Variants in ABCA4 observed in about 807,000 individuals in gnomAD.
ABCA4 encodes ATP binding cassette subfamily A member 4.
A neutral mutation model predicts 263.7 loss-of-function variants in ABCA4; 196 were observed. The observed-to-expected ratio is 0.74, with a 90% confidence interval of 0.66 to 0.84. The LOEUF (loss-of-function observed/expected upper bound fraction) is 0.84, where lower values mean the gene tolerates loss of function less well. Ranked by LOEUF, ABCA4 falls within the 40% of genes least tolerant of loss-of-function variation. ABCA4 has a pLI of 0.00. For synonymous variants in ABCA4, 1,133 were observed against 1,094.2 expected (o/e 1.04, Z -0.70); for missense variants, 2,792 against 2,855.1 (o/e 0.98, Z 0.50).
rs1270054065 is a variant in ABCA4 at position 94,029,628 on chromosome 1, C to T, written c.4356G>A (p.Glu1452=). The change falls in exon 30 of 50, where the codon GAG becomes GAA. Residue 1452 remains glutamate (E), a synonymous_variant. Transcript: ENST00000370225. Reference sequence around the variant, plus strand: ...AGGGTGTTGAGTTGCCACAGGGGTACTCCCTCATGGAAGACAAGAAAATAT... The same window carrying T: ...AGGGTGTTGAGTTGCCACAGGGGTATTCCCTCATGGAAGACAAGAAAATAT... The part of the protein sequence containing the change: ...NRCLKEGWLP[E]YPCGNSTPWK... 1 of 1,613,232 alleles carries T rather than the reference C, an allele frequency of 6.2e-7. No homozygotes were observed. The highest frequency in any genetic ancestry group is 8.5e-7 in the Non-Finnish European group (1 of 1,179,604).
chr1:94,082,337 A>G (rs564958689), intron 7 of ABCA4, among the ~76,000 whole-genome samples: 1 of 152,364 alleles, frequency 6.6e-6, no homozygotes, highest in East Asian at 1.9e-4. Flanking sequence ...CTTGCTATCT[A>G]GACAGTCAAG....
chr1:94,117,483 C>T (rs1484739808), intron 1 of ABCA4, among the ~76,000 whole-genome samples: 1 of 69,908 alleles, frequency 1.4e-5, no homozygotes, highest in East Asian at 4.2e-4. Context: ...GGCCCCCCCA[C>T]AGATATCCAT....
chr1:94,020,672 C>T (rs898563326), intron 35 of ABCA4, among the ~76,000 whole-genome samples: 1 of 152,188 alleles, frequency 6.6e-6, no homozygotes, highest in Admixed American at 6.5e-5. Context: ...ATCAGGACCC[C>T]ACAACGTTGC....
chr1:94,066,178 T>A (rs1009802566), intron 11 of ABCA4, among the ~76,000 whole-genome samples: 5 of 152,218 alleles, frequency 3.3e-5, no homozygotes, highest in African/African-American at 1.2e-4. Flanking sequence ...TCCCTGACCA[T>A]GGGCCTGACA....
At chr1:94,115,574 C>T (rs1662736878) in intron 1 of ABCA4, among the ~76,000 whole-genome samples, 1 of 152,200 alleles carries the variant, frequency 6.6e-6, no homozygotes, top group African/African-American at 2.4e-5. Context: ...GGGCAGCCCA[C>T]TCAACTCTTC....
chr1:94,119,916 C>T (rs533111044), intron 1 of ABCA4, among the ~76,000 whole-genome samples: 7 of 152,280 alleles, frequency 4.6e-5, no homozygotes, highest in African/African-American at 1.7e-4. Flanking sequence ...AGGTCTCCCT[C>T]CCTTTCCTCC....
chr1:94,000,790 T>G, intron 47 of ABCA4, 46 bp downstream of exon 47: 1 of 1,583,656 alleles, frequency 6.3e-7, no homozygotes, highest in Non-Finnish European at 8.7e-7. Context: ...AGGATCCAGG[T>G]GGATCCACAG....
intron 4 of ABCA4, among the ~76,000 whole-genome samples, chr1:94,107,376 C>G (rs1422863023): frequency 1.3e-5 from 2 of 152,328 alleles, no homozygotes; most frequent in Middle Eastern, 3.4e-3. Context: ...GCTTTACTTC[C>G]TCACGACCAC....
chr1:94,007,161 A>G (rs1480195452), intron 43 of ABCA4, among the ~76,000 whole-genome samples: 3 of 152,202 alleles, frequency 2.0e-5, no homozygotes, highest in Non-Finnish European at 4.4e-5. Context: ...AACCCAGAGG[A>G]AGGATTCTTC....
At chr1:94,043,264 C>G in intron 21 of ABCA4, 72 bp downstream of exon 21, 1 of 1,608,248 alleles carries the variant, frequency 6.2e-7, no homozygotes, top group Non-Finnish European at 8.5e-7. Flanking sequence ...CCAAGCCTCC[C>G]CTGCCTCCTG....
At chr1:94,065,553 G>C (rs1395317945) in intron 11 of ABCA4, among the ~76,000 whole-genome samples, 1 of 152,214 alleles carries the variant, frequency 6.6e-6, no homozygotes, top group Non-Finnish European at 1.5e-5. Context: ...CAGAGGCTGT[G>C]TTTGAACAAG....
At chr1:94,005,750 C>T (rs369679435) in intron 43 of ABCA4, among the ~76,000 whole-genome samples, 168 bp from the exon 44 acceptor site, 34 of 152,252 alleles carry the variant, frequency 2.2e-4, no homozygotes, top group African/African-American at 6.0e-4. Context: ...AGGGGCCCTT[C>T]GGTTAGAAAC....
intron 44 of ABCA4, among the ~76,000 whole-genome samples, chr1:94,003,952 T>A (rs190621405): frequency 6.7e-4 from 102 of 152,230 alleles, no homozygotes; most frequent in African/African-American, 1.9e-3. Flanking sequence ...ATTTTTTTTT[T>A]AAAAGCACTT....
At chr1:94,046,794 T>C in intron 19 of ABCA4, 125 bp downstream of exon 19, 1 of 1,231,780 alleles carries the variant, frequency 8.1e-7, no homozygotes, top group Non-Finnish European at 1.2e-6. Flanking sequence ...TTTTACACAT[T>C]TTTGGGGCCG....
chr1:94,008,409 G>C, intron 41 of ABCA4, 112 bp from the exon 42 acceptor site: 1 of 1,084,634 alleles, frequency 9.2e-7, no homozygotes, highest in Non-Finnish European at 1.4e-6. Context: ...GCACTAGGAG[G>C]TTACATATTG....
intron 6 of ABCA4, among the ~76,000 whole-genome samples, chr1:94,093,991 T>C (rs1662047264): frequency 6.6e-6 from 1 of 152,172 alleles, no homozygotes; most frequent in Non-Finnish European, 1.5e-5. Flanking sequence ...AGCCCTGCTG[T>C]TCCCTGGTAC....
intron 1 of ABCA4, among the ~76,000 whole-genome samples, chr1:94,115,680 GAAAGCAC>G (rs71791120): frequency 0.027 from 4,044 of 152,280 alleles, 204 homozygotes; most frequent in African/African-American, 0.092. Context: ...TGTTAAACAC[GAAAGCAC>G]AATATGGCAT....
intron 18 of ABCA4, 135 bp from the exon 19 acceptor site, chr1:94,047,228 A>C (rs1419093512): frequency 6.5e-6 from 6 of 919,034 alleles, no homozygotes; most frequent in Non-Finnish European, 1.1e-5. Flanking sequence ...GTTGCAAGGA[A>C]GACTCCAGAA....
rs772678492 is a variant in ABCA4, at chr1:94,008,888, G to A, written c.5715-17C>T. 4.3e-6 allele frequency: 7 copies of A among 1,610,562 alleles called. No homozygotes were observed. The highest frequency in any genetic ancestry group is 5.9e-6 in the Non-Finnish European group (7 of 1,179,806). ...TCGGCAATCCTAGATGAAGAAAAGGGGTCAGGATTGGGCTGGCTGTACAGT... is the reference window on the plus strand; with the variant it reads ...TCGGCAATCCTAGATGAAGAAAAGGAGTCAGGATTGGGCTGGCTGTACAGT... On this transcript the variant is annotated splice_polypyrimidine_tract_variant and intron_variant, in intron 40 of 49. Coordinates refer to ENST00000370225, the MANE Select transcript of ABCA4 (RefSeq NM_000350.3).
Sources: allele counts gnomAD v4.1 joint callset (sites outside exome capture counted in the v4.1 genomes callset), GRCh38; gene constraint gnomAD v4.1.1; transcripts MANE v1.5; gene names NCBI Gene and HGNC (gene_info 2026-07-23, HGNC 2026-07-21).